EIF5B: variants seen among roughly 807,000 people sequenced by gnomAD.
EIF5B encodes eukaryotic translation initiation factor 5B, also known as eIF-5B.
EIF5B carries 47 observed loss-of-function variants against 147.5 expected under a neutral mutation model. The observed-to-expected ratio is 0.32, with a 90% CI of 0.25 to 0.41. The LOEUF (loss-of-function observed/expected upper bound fraction) is 0.41, where lower values mean the gene tolerates loss of function less well. Among genes scored for constraint, EIF5B ranks in the 10% least tolerant of loss-of-function variants. The pLI, the probability that EIF5B is intolerant of heterozygous loss-of-function variation, is 1.00. For synonymous variants in EIF5B, 455 were observed against 456.2 expected (o/e 1.00, Z 0.03); for missense variants, 1,064 against 1,413.2 (o/e 0.75, Z 3.96).
chr2:99,341,056 G>C (rs1401477316), intron 1 of EIF5B, among the ~76,000 whole-genome samples: 1 of 152,138 alleles, frequency 6.6e-6, no homozygotes, highest in Admixed American at 6.6e-5. Context: ...GATTCACCAC[G>C]CTCAGCCCCA....
rs890089105 is a variant in EIF5B at position 99,361,664 on chromosome 2, G to A, written c.763G>A (p.Glu255Lys). The A allele has an allele frequency of 8.1e-6, 13 of 1,597,292 alleles. No individual in the cohort carries two copies. The Admixed American group carries it at 1.5e-4, about 18-fold the overall frequency. Residue 255 changes from glutamate to lysine, a missense_variant, in exon 4 of 24, where the codon GAA becomes AAA. Transcript: ENST00000289371. Reference protein sequence around the residue: ...EEKAKLRKLKEKEELETGKKD... With the variant: ...EEKAKLRKLKKKEELETGKKD... ...AAAAGCGAAACTGCGGAAGCTGAAA[G>A]AAAAAGAAGAGTTAGAAACAGGTAA...
intron 14 of EIF5B, among the ~76,000 whole-genome samples, chr2:99,384,543 C>G (rs1417369686): frequency 6.6e-6 from 1 of 152,218 alleles, no homozygotes; most frequent in Non-Finnish European, 1.5e-5. Context: ...GATCGAGATT[C>G]CTCTGATGGA....
chr2:99,374,728 T>A (rs1229225648), intron 9 of EIF5B, among the ~76,000 whole-genome samples: 1 of 152,208 alleles, frequency 6.6e-6, no homozygotes, highest in Non-Finnish European at 1.5e-5. Flanking sequence ...TATCATGACG[T>A]ACCCAGAATA....
intron 4 of EIF5B, 62 bp from the exon 5 acceptor site, chr2:99,363,583 T>C: frequency 6.7e-7 from 1 of 1,503,376 alleles, no homozygotes; most frequent in East Asian, 2.3e-5. Context: ...TGGGTTTTGC[T>C]CGTCATCACC....
intron 21 of EIF5B, 140 bp from the exon 22 acceptor site, chr2:99,396,620 C>T (rs1462417557): frequency 1.9e-6 from 2 of 1,030,706 alleles, no homozygotes; most frequent in Non-Finnish European, 2.8e-6. Context: ...TGGGCTGCAG[C>T]ACCCTGCCTG....
At position 99,376,024 on chromosome 2, in the gene EIF5B, C is replaced by T. The variant is rs903009180; in HGVS notation, c.1553-323C>T. On this transcript the variant is annotated intron_variant, in intron 9 of 23. Coordinates refer to ENST00000289371, the MANE Select transcript of EIF5B (RefSeq NM_015904.4). ...AACAGTTCTGGTCCAGGCATTATCT[C>T]CTCCCCTTACTTTAAAGCAGGCTTG... Among the ~76,000 whole-genome samples the T allele has an allele frequency of 2.0e-5, 3 of 152,204 alleles. No homozygotes were observed. The East Asian group carries it at 5.8e-4, about 29-fold the overall frequency.
chr2:99,393,289 T>C (rs1482179642), intron 18 of EIF5B, among the ~76,000 whole-genome samples, 191 bp downstream of exon 18: 3 of 152,142 alleles, frequency 2.0e-5, no homozygotes, highest in African/African-American at 4.8e-5. Context: ...GTATAATTTT[T>C]ATATGTACTA....
intron 14 of EIF5B, among the ~76,000 whole-genome samples, chr2:99,389,421 A>G (rs901772530): frequency 6.6e-6 from 1 of 152,188 alleles, no homozygotes; most frequent in South Asian, 2.1e-4. Flanking sequence ...CGGAATTCCA[A>G]CAATATACAT....
At chr2:99,369,750 A>T (rs1273510486) in intron 8 of EIF5B, among the ~76,000 whole-genome samples, 1 of 152,216 alleles carries the variant, frequency 6.6e-6, no homozygotes, top group Non-Finnish European at 1.5e-5. Context: ...GGTGAGGCAG[A>T]TGGATCACGA....
intron 5 of EIF5B, 102 bp from the exon 6 acceptor site, chr2:99,364,169 C>T (rs1397702686): frequency 1.4e-6 from 2 of 1,417,940 alleles, no homozygotes; most frequent in Non-Finnish European, 1.9e-6. Context: ...TAATACTTTG[C>T]ATGTGTCTCA....
intron 1 of EIF5B, among the ~76,000 whole-genome samples, chr2:99,345,097 A>T (rs966966083): frequency 1.3e-5 from 2 of 152,220 alleles, no homozygotes; most frequent in African/African-American, 4.8e-5. Flanking sequence ...AGAGGCATTT[A>T]AACTAGCGTT....
Position 99,392,949 on chromosome 2 carries a change from A to G in EIF5B, c.2749-18A>G. ...ACTTTTAAAGTACATTTGGTAACAA[A>G]TGTTTTTATCTCTGTAGAACCAGTA... On this transcript the variant is annotated intron_variant, in intron 17 of 23. Transcript: ENST00000289371. The G allele has an allele frequency of 7.0e-7, 1 of 1,429,510 alleles. No homozygotes were observed. Among genetic ancestry groups the G allele is most frequent in the Non-Finnish European group, 9.2e-7 (1 of 1,082,908 alleles). 88.6% of individuals were successfully genotyped at this position (1,429,510 alleles called of 1,614,324 possible). A position where few individuals can be genotyped will look rare whatever the true frequency, so the allele number is the denominator to read the frequency against.
rs1674884861 is a variant in EIF5B, at chr2:99,389,745, A to G, written c.2299A>G (p.Ser767Gly). 1.9e-6 allele frequency: 3 copies of G among 1,605,990 alleles called. No individual in the cohort carries two copies. Residue 767 changes from serine (S) to glycine (G), a missense_variant, in exon 15 of 24, where the codon AGT becomes GGT. This residue lies in a region of EIF5B where 380 missense variants were observed against 715.6 expected (regional missense o/e 0.53). Transcript: ENST00000289371. ...KIDRLYDWKK[S>G]PDSDVAATLK... Reference sequence around the variant, plus strand: ...TGATAGGTTATATGATTGGAAAAAGAGTCCTGACTCTGATGTGGCTGCTAC... The same window carrying G: ...TGATAGGTTATATGATTGGAAAAAGGGTCCTGACTCTGATGTGGCTGCTAC...
intron 1 of EIF5B, among the ~76,000 whole-genome samples, chr2:99,355,801 C>T (rs2105341713): frequency 6.6e-6 from 1 of 151,954 alleles, no homozygotes; most frequent in Admixed American, 6.6e-5. Context: ...TTAGTAGAGA[C>T]AGGGTTTCAC....
At chr2:99,353,041 G>A (rs1201178433) in intron 1 of EIF5B, among the ~76,000 whole-genome samples, 1 of 69,462 alleles carries the variant, frequency 1.4e-5, no homozygotes, top group Non-Finnish European at 2.9e-5. Context: ...TTGAGACGGA[G>A]TCTCACTCTG....
intron 1 of EIF5B, among the ~76,000 whole-genome samples, chr2:99,338,895 G>A (rs893188932): frequency 9.0e-5 from 13 of 145,066 alleles, no homozygotes; most frequent in Non-Finnish European, 1.5e-4. Flanking sequence ...GACCTGCTTG[G>A]TTTCATCCCA....
chr2:99,339,418 TATTC>T (rs779220347), intron 1 of EIF5B, among the ~76,000 whole-genome samples: 5 of 152,198 alleles, frequency 3.3e-5, no homozygotes, highest in Admixed American at 1.3e-4. Context: ...CATTAGCAAA[TATTC>T]AGTCAGTTTG....
Position 99,398,754 on chromosome 2 carries a change from G to T in EIF5B, c.3400G>T (p.Asp1134Tyr). 1 of 1,608,114 alleles carries T rather than the reference G, an allele frequency of 6.2e-7. No homozygotes were observed. Among genetic ancestry groups the T allele is most frequent in the South Asian group, 1.1e-5 (1 of 89,418 alleles). ...PMCVPSKNFV[D>Y]IGIVTSIEIN... Reference sequence around the variant, plus strand: ...ATTTGTTCTTATTTTATAGTTTGTTGACATCGGAATAGTAACAAGTATTGA... The same window carrying T: ...ATTTGTTCTTATTTTATAGTTTGTTTACATCGGAATAGTAACAAGTATTGA... Residue 1134 changes from aspartate (D) to tyrosine (Y), a missense_variant, in exon 23 of 24, where the codon GAC becomes TAC. Coordinates refer to ENST00000289371, the MANE Select transcript of EIF5B (RefSeq NM_015904.4).
intron 1 of EIF5B, among the ~76,000 whole-genome samples, chr2:99,357,873 T>C (rs903247820): frequency 1.3e-5 from 2 of 152,198 alleles, no homozygotes; most frequent in Non-Finnish European, 2.9e-5. Context: ...CCTTTCTATA[T>C]TCATCCTGTT....
Sources: allele counts gnomAD v4.1 joint callset (sites outside exome capture counted in the v4.1 genomes callset), GRCh38; gene constraint gnomAD v4.1.1; regional missense constraint gnomAD v4.1.1; transcripts MANE v1.5; gene names NCBI Gene and HGNC (gene_info 2026-07-23, HGNC 2026-07-21).